The following PKIB variants were observed in gnomAD, a reference collection of about 807,000 sequenced individuals.
The protein encoded by PKIB is cAMP-dependent protein kinase inhibitor beta.
In PKIB, 2 loss-of-function variants were observed where a neutral mutation model predicts 4.5. That is an observed-to-expected ratio of 0.44 (90% CI 0.18 to 1.39). The LOEUF (loss-of-function observed/expected upper bound fraction) is 1.39. Among genes scored for constraint, PKIB ranks in the 40% most tolerant of loss-of-function variants. The pLI is 0.27. For missense variants in PKIB, 94 were observed against 92.6 expected (o/e 1.02, Z -0.06); for synonymous variants, 38 against 36.0 (o/e 1.06, Z -0.20).
chr6:122,572,041 A>C (rs977857038), intron 2 of PKIB, among the ~76,000 whole-genome samples: 4 of 152,126 alleles, frequency 2.6e-5, no homozygotes, highest in Admixed American at 2.0e-4. Context: ...TAAGGGGTGG[A>C]AGAAGGTATT....
chr6:122,676,212 A>G (rs1234540857), intron 3 of PKIB, among the ~76,000 whole-genome samples: 1 of 151,862 alleles, frequency 6.6e-6, no homozygotes, highest in Non-Finnish European at 1.5e-5. Context: ...AGGAGCATAC[A>G]ACCTAGATCC....
At chr6:122,611,898 G>A (rs1774775912) in intron 1 of PKIB, among the ~76,000 whole-genome samples, 1 of 152,160 alleles carries the variant, frequency 6.6e-6, no homozygotes, top group African/African-American at 2.4e-5. Context: ...GAGATCATTT[G>A]CTAAAAAGGT....
intron 1 of PKIB, among the ~76,000 whole-genome samples, chr6:122,621,053 T>C (rs1203329205): frequency 6.6e-6 from 1 of 152,142 alleles, no homozygotes; most frequent in East Asian, 1.9e-4. Context: ...CATTTTAACC[T>C]ACTACCAGAT....
intron 2 of PKIB, among the ~76,000 whole-genome samples, chr6:122,672,750 T>C (rs1582798490): frequency 2.0e-5 from 3 of 151,662 alleles, no homozygotes; most frequent in South Asian, 4.1e-4. Flanking sequence ...AAATAAGTTA[T>C]ATTAGACTAT....
At chr6:122,530,295 A>G (rs1777218553) in intron 2 of PKIB, among the ~76,000 whole-genome samples, 1 of 151,996 alleles carries the variant, frequency 6.6e-6, no homozygotes. Context: ...GTTTCCATTG[A>G]CTTGTCCATA....
intron 1 of PKIB, among the ~76,000 whole-genome samples, chr6:122,623,152 C>T (rs779093849): frequency 1.7e-4 from 26 of 152,102 alleles, no homozygotes; most frequent in Non-Finnish European, 3.4e-4. Context: ...AAAGAATTTG[C>T]CACTAATATT....
intron 1 of PKIB, among the ~76,000 whole-genome samples, chr6:122,622,487 C>T (rs1354903897): frequency 6.6e-6 from 1 of 152,164 alleles, no homozygotes; most frequent in African/African-American, 2.4e-5. Flanking sequence ...GGAGAACATT[C>T]CGAAAAGTGT....
chr6:122,576,710 A>ATATATATATATATATATATATTTTTT (rs59569106), intron 2 of PKIB, among the ~76,000 whole-genome samples: 1 of 110,034 alleles, frequency 9.1e-6, no homozygotes, highest in African/African-American at 4.0e-5. Flanking sequence ...ATATATATAT[A>ATATATATATATATATATATATTTTTT]TTTTCTTTTG....
intron 2 of PKIB, among the ~76,000 whole-genome samples, chr6:122,557,795 A>C (rs1467773588): frequency 6.6e-6 from 1 of 152,024 alleles, no homozygotes; most frequent in Non-Finnish European, 1.5e-5. Context: ...TTTTACTTGC[A>C]CCTTTGCTTA....
At chr6:122,631,406 T>C (rs1775696168) in intron 1 of PKIB, among the ~76,000 whole-genome samples, 1 of 152,172 alleles carries the variant, frequency 6.6e-6, no homozygotes, top group South Asian at 2.1e-4. Context: ...GCTCTTTTTT[T>C]TGGGAAGCCA....
At chr6:122,534,167 A>G (rs1022377169) in intron 2 of PKIB, among the ~76,000 whole-genome samples, 5 of 148,532 alleles carry the variant, frequency 3.4e-5, no homozygotes, top group Non-Finnish European at 7.4e-5. Flanking sequence ...TATATATAAT[A>G]CTAACATATA....
intron 3 of PKIB, among the ~76,000 whole-genome samples, chr6:122,710,738 C>T (rs1779241822): frequency 6.6e-6 from 1 of 152,144 alleles, no homozygotes; most frequent in African/African-American, 2.4e-5. Context: ...ACTTACTGTG[C>T]CAAATTCCAC....
chr6:122,600,725 CA>C (rs1451869051), intron 3 of PKIB, among the ~76,000 whole-genome samples: 1 of 151,804 alleles, frequency 6.6e-6, no homozygotes, highest in African/African-American at 2.4e-5. Flanking sequence ...AATAGAAAAA[CA>C]AAAATATCTA....
At chr6:122,557,753 C>T (rs1272903129) in intron 2 of PKIB, among the ~76,000 whole-genome samples, 2 of 152,196 alleles carry the variant, frequency 1.3e-5, no homozygotes, top group Admixed American at 1.3e-4. Context: ...GGTAGATGTG[C>T]TGTCCTCAGA....
chr6:122,722,415 T>A (rs985530916), intron 4 of PKIB, among the ~76,000 whole-genome samples: 15 of 152,180 alleles, frequency 9.9e-5, no homozygotes, highest in Non-Finnish European at 1.8e-4. Flanking sequence ...AATTATTATC[T>A]TGAGTTCCTA....
At chr6:122,688,172 A>G (rs1778167828) in intron 3 of PKIB, among the ~76,000 whole-genome samples, 1 of 152,064 alleles carries the variant, frequency 6.6e-6, no homozygotes, top group African/African-American at 2.4e-5. Flanking sequence ...AGGATGTTGA[A>G]TTTTATCAAA....
chr6:122,647,713 T>C (rs1776382305), intron 2 of PKIB, among the ~76,000 whole-genome samples: 1 of 152,238 alleles, frequency 6.6e-6, no homozygotes, highest in African/African-American at 2.4e-5. Context: ...CTTAAATACA[T>C]GTGCACACAC....
chr6:122,629,458 C>T (rs1199893082), intron 1 of PKIB, among the ~76,000 whole-genome samples: 1 of 151,962 alleles, frequency 6.6e-6, no homozygotes, highest in East Asian at 1.9e-4. Flanking sequence ...AGAGATAAAT[C>T]TCTTGTGCAG....
intron 2 of PKIB, among the ~76,000 whole-genome samples, chr6:122,648,784 G>A (rs970342761): frequency 3.3e-5 from 5 of 152,136 alleles, no homozygotes; most frequent in African/African-American, 4.8e-5. Context: ...CTGTGACCAC[G>A]TAGCTTGGTT....
Sources: allele counts gnomAD v4.1 joint callset (sites outside exome capture counted in the v4.1 genomes callset), GRCh38; gene constraint gnomAD v4.1.1; transcripts MANE v1.5; gene names NCBI Gene and HGNC (gene_info 2026-07-23, HGNC 2026-07-21).